Variants in VPS13A observed in about 807,000 individuals in gnomAD.
VPS13A encodes vacuolar protein sorting 13 homolog A.
In VPS13A, 264 loss-of-function variants were observed where a neutral mutation model predicts 390.9. The observed-to-expected ratio is 0.68, with a 90% CI of 0.61 to 0.75. The LOEUF (loss-of-function observed/expected upper bound fraction) is 0.75. VPS13A is among the 30% of genes least tolerant of loss of function. The probability of loss-of-function intolerance (pLI) is 0.00; values close to 1 mark genes in which losing one functional copy is unlikely to be tolerated. For synonymous variants in VPS13A, 1,231 were observed against 1,227.1 expected (o/e 1.00, Z -0.07); for missense variants, 3,409 against 3,733.9 (o/e 0.91, Z 2.27).
chr9:77,188,075 G>A (rs1044638782), intron 1 of VPS13A, among the ~76,000 whole-genome samples: 2 of 152,134 alleles, frequency 1.3e-5, no homozygotes, highest in Non-Finnish European at 2.9e-5. Flanking sequence ...TGCAAGATCT[G>A]GTTAAGTGTG....
chr9:77,340,243 T>C lies in VPS13A; in HGVS notation c.6840T>C (p.His2280=), dbSNP rs750072063. The change falls in exon 49 of 72, where the codon CAT becomes CAC. Residue 2280 remains histidine (H), a synonymous_variant. Transcript: ENST00000360280. ...TTTCAATTGATACTGTTGGTAGTCA[T>C]GGAGCTGTTAAATGTAAAGGCCTGA... ...NQFSIDTVGS[H]GAVKCKGLKM... The C allele has an allele frequency of 9.0e-5, 145 of 1,613,286 alleles. No individual in the cohort carries two copies. The highest frequency in any genetic ancestry group is 1.1e-4 in the Non-Finnish European group (135 of 1,179,652).
chr9:77,181,599 A>G (rs1589960028), intron 1 of VPS13A, among the ~76,000 whole-genome samples: 1 of 151,756 alleles, frequency 6.6e-6, no homozygotes, highest in African/African-American at 2.4e-5. Flanking sequence ...TGAAGGACCT[A>G]TTGGTAGTTG....
At chr9:77,181,815 C>T (rs1302609446) in intron 1 of VPS13A, among the ~76,000 whole-genome samples, 2 of 152,194 alleles carry the variant, frequency 1.3e-5, no homozygotes, top group South Asian at 2.1e-4. Context: ...TTTCCAAAAA[C>T]CTGTTTAACT....
chr9:77,385,912 CA>C (rs141109196), intron 68 of VPS13A, among the ~76,000 whole-genome samples: 1 of 151,012 alleles, frequency 6.6e-6, no homozygotes, highest in South Asian at 2.1e-4. Context: ...GAGATTACTG[CA>C]AAAAAAACTG....
chr9:77,232,539 A>C (rs1823895958), intron 17 of VPS13A, among the ~76,000 whole-genome samples: 1 of 152,136 alleles, frequency 6.6e-6, no homozygotes, highest in African/African-American at 2.4e-5. Flanking sequence ...GTCTGTTCTT[A>C]TGCTCCTAAT....
At chr9:77,369,116 G>A (rs1431011533) in intron 62 of VPS13A, among the ~76,000 whole-genome samples, 183 bp from the exon 63 acceptor site, 1 of 152,160 alleles carries the variant, frequency 6.6e-6, no homozygotes, top group African/African-American at 2.4e-5. Flanking sequence ...GGGCAACAGA[G>A]CAGGACTGTC....
At chr9:77,346,594 C>T (rs899652081) in intron 52 of VPS13A, among the ~76,000 whole-genome samples, 1 of 152,126 alleles carries the variant, frequency 6.6e-6, no homozygotes, top group African/African-American at 2.4e-5. Flanking sequence ...GAACTCTTTG[C>T]CAAAGCCAGT....
rs1270303424 is a variant in VPS13A at position 77,416,003 on chromosome 9, C to T, written c.9522C>T (p.Leu3174=). The T allele has an allele frequency of 2.5e-6, 4 of 1,613,468 alleles. No individual in the cohort carries two copies. The highest frequency in any genetic ancestry group is 1.7e-4 in the Middle Eastern group (1 of 6,054). The change falls in exon 72 of 72, where the codon CTC becomes CTT. Residue 3174 remains leucine, a synonymous_variant. Transcript: ENST00000360280. Reference sequence around the variant, plus strand: ...AAGCAAGAGAACCTTCTCCGAGCCTCTGACAGAGAACACTGCCTGAAGACA... The same window carrying T: ...AAGCAAGAGAACCTTCTCCGAGCCTTTGACAGAGAACACTGCCTGAAGACA... ...LQEAREPSPS[L]
chr9:77,248,229 T>C (rs1286986237), intron 20 of VPS13A, among the ~76,000 whole-genome samples: 2 of 151,840 alleles, frequency 1.3e-5, no homozygotes, highest in Admixed American at 6.6e-5. Context: ...TTCTTTTTTT[T>C]TTTTGAGACA....
intron 10 of VPS13A, among the ~76,000 whole-genome samples, chr9:77,215,134 C>T (rs981488672): frequency 2.0e-5 from 3 of 151,966 alleles, no homozygotes; most frequent in Non-Finnish European, 2.9e-5. Flanking sequence ...AGTGAGACTC[C>T]GTCTCTACAA....
chr9:77,185,450 C>T (rs1218611046), intron 1 of VPS13A, among the ~76,000 whole-genome samples: 1 of 152,050 alleles, frequency 6.6e-6, no homozygotes, highest in Non-Finnish European at 1.5e-5. Context: ...CGATATGACA[C>T]CCTTTCTAGG....
At chr9:77,295,518 G>T (rs762123950) in intron 32 of VPS13A, 24 bp from the exon 33 acceptor site, 13 of 1,566,330 alleles carry the variant, frequency 8.3e-6, no homozygotes, top group Non-Finnish European at 1.1e-5. Flanking sequence ...ATAACCTTAA[G>T]AATATAATTC....
chr9:77,251,373 TAA>T (rs1825138332), intron 21 of VPS13A, among the ~76,000 whole-genome samples: 1 of 152,214 alleles, frequency 6.6e-6, no homozygotes, highest in South Asian at 2.1e-4. Context: ...TATGAATTTT[TAA>T]AGTTATTTCT....
intron 45 of VPS13A, among the ~76,000 whole-genome samples, chr9:77,324,075 G>C (rs1829882440): frequency 6.6e-6 from 1 of 151,652 alleles, no homozygotes; most frequent in Non-Finnish European, 1.5e-5. Flanking sequence ...AAAAAATCTG[G>C]ATAAAATTGG....
intron 68 of VPS13A, among the ~76,000 whole-genome samples, chr9:77,402,746 ACT>A (rs1192659507): frequency 7.9e-5 from 12 of 152,004 alleles, no homozygotes; most frequent in African/African-American, 2.7e-4. Flanking sequence ...TTGTCCAGAA[ACT>A]CTCTGCTCTT....
Position 77,260,242 on chromosome 9 carries a change from A to G in VPS13A, c.2427+18A>G. On this transcript the variant is annotated intron_variant, in intron 23 of 71. Coordinates refer to ENST00000360280, the MANE Select transcript of VPS13A (RefSeq NM_033305.3). ...CATTCCAGGTAATGTTACTTTCAAA[A>G]TTAATATAAGCATGAATTAAGAAAG... The G allele has an allele frequency of 8.7e-6, 14 of 1,610,720 alleles. No individual in the cohort carries two copies. Among genetic ancestry groups the G allele is most frequent in the Non-Finnish European group, 1.2e-5 (14 of 1,177,736 alleles).
At chr9:77,205,881 C>T (rs1298264796) in intron 4 of VPS13A, 97 bp from the exon 5 acceptor site, 42 of 947,534 alleles carry the variant, frequency 4.4e-5, no homozygotes, top group East Asian at 1.7e-4. Context: ...TGAGCCACCG[C>T]GCCCGGCCAA....
At chr9:77,265,735 A>G (rs1826001234) in intron 23 of VPS13A, among the ~76,000 whole-genome samples, 1 of 152,132 alleles carries the variant, frequency 6.6e-6, no homozygotes, top group Non-Finnish European at 1.5e-5. Flanking sequence ...AATCTTTTCA[A>G]AAAACCAGCA....
intron 23 of VPS13A, among the ~76,000 whole-genome samples, chr9:77,261,250 A>G (rs559879929): frequency 6.6e-6 from 1 of 152,116 alleles, no homozygotes; most frequent in Non-Finnish European, 1.5e-5. Flanking sequence ...CACTATTCTG[A>G]ATCTGTATTA....
Sources: allele counts gnomAD v4.1 joint callset (sites outside exome capture counted in the v4.1 genomes callset), GRCh38; gene constraint gnomAD v4.1.1; transcripts MANE v1.5; gene names NCBI Gene and HGNC (gene_info 2026-07-23, HGNC 2026-07-21).